The following FNBP4 variants were observed in gnomAD, a reference collection of about 807,000 sequenced individuals.
FNBP4 encodes the protein formin-binding protein 4.
FNBP4 carries 34 observed loss-of-function variants against 119.3 expected under a neutral mutation model. The ratio of observed to expected loss-of-function variants is 0.28; its 90% CI spans 0.22 to 0.38. The LOEUF is 0.38. Among genes scored for constraint, FNBP4 ranks in the 10% least tolerant of loss-of-function variants. The pLI, the probability that FNBP4 is intolerant of heterozygous loss-of-function variation, is 1.00. For synonymous variants in FNBP4, 462 were observed against 430.6 expected (o/e 1.07, Z -0.90); for missense variants, 1,112 against 1,228.9 (o/e 0.90, Z 1.42).
chr11:47,731,817 A>T, intron 11 of FNBP4: 1 of 1,192,120 alleles, frequency 8.4e-7, no homozygotes, highest in Non-Finnish European at 1.0e-6. Context: ...CTTAGAAAAC[A>T]CTTTTCTCTT....
At chr11:47,756,887 T>C (rs1347397624) in intron 2 of FNBP4, among the ~76,000 whole-genome samples, 2 of 152,210 alleles carry the variant, frequency 1.3e-5, no homozygotes, top group Non-Finnish European at 2.9e-5. Flanking sequence ...TCCTTTTTTA[T>C]GGCTGCATAG....
intron 12 of FNBP4, chr11:47,729,862 G>A (rs1413795700): frequency 7.1e-6 from 7 of 985,216 alleles, no homozygotes; most frequent in Non-Finnish European, 8.4e-6. Flanking sequence ...ATTTTACTTC[G>A]ATCAAGTTTA....
chr11:47,742,371 C>G (rs928878871), intron 8 of FNBP4, among the ~76,000 whole-genome samples: 2 of 145,738 alleles, frequency 1.4e-5, no homozygotes, highest in African/African-American at 5.1e-5. Context: ...CCCAGCTACT[C>G]AGGAGGCTGA....
Position 47,716,543 on chromosome 11 carries a change from G to C in FNBP4, c.*879C>G, listed in dbSNP as rs2135051084. 6.5e-6 allele frequency: 1 copy of C among 152,722 alleles called. No homozygotes were observed. Among genetic ancestry groups the C allele is most frequent in the South Asian group, 2.1e-4 (1 of 4,832 alleles). 9.5% of individuals were successfully genotyped at this position (152,722 alleles called of 1,614,324 possible). On this transcript the variant is annotated 3_prime_UTR_variant, in exon 17 of 17. Coordinates refer to ENST00000263773, the MANE Select transcript of FNBP4 (RefSeq NM_015308.5). ...CAGGATTATAAAAAAAGCTTTATTAGTGCATATATACAAATTTACAAGGTC... is the reference window on the plus strand; with the variant it reads ...CAGGATTATAAAAAAAGCTTTATTACTGCATATATACAAATTTACAAGGTC...
At chr11:47,749,789 C>A (rs1157472812) in intron 6 of FNBP4, among the ~76,000 whole-genome samples, 3 of 152,068 alleles carry the variant, frequency 2.0e-5, no homozygotes, top group African/African-American at 7.2e-5. Flanking sequence ...TGGAGCATCT[C>A]AGATTTCACA....
At chr11:47,722,585 T>C (rs117494654) in intron 15 of FNBP4, among the ~76,000 whole-genome samples, 2,163 of 151,810 alleles carry the variant, frequency 0.014, 30 homozygotes, top group South Asian at 0.057. Flanking sequence ...AAGCTGGACA[T>C]TTCAATTTCT....
At chr11:47,766,127 G>A (rs886984155) in intron 1 of FNBP4, among the ~76,000 whole-genome samples, 17 of 151,890 alleles carry the variant, frequency 1.1e-4, no homozygotes, top group African/African-American at 3.9e-4. Flanking sequence ...AGACCAGCCC[G>A]GGAAACATGA....
chr11:47,762,626 G>A (rs2097638007), intron 2 of FNBP4, among the ~76,000 whole-genome samples: 1 of 151,518 alleles, frequency 6.6e-6, no homozygotes, highest in Non-Finnish European at 1.5e-5. Flanking sequence ...AGAGGTGGGG[G>A]TCTCGGCCAA....
At chr11:47,747,929 C>T (rs1306126158) in intron 6 of FNBP4, among the ~76,000 whole-genome samples, 1 of 150,250 alleles carries the variant, frequency 6.7e-6, no homozygotes, top group Admixed American at 6.7e-5. Flanking sequence ...GCTCGGATGA[C>T]AGTGTGAGAG....
At chr11:47,765,509 A>T in intron 1 of FNBP4, 147 bp from the exon 2 acceptor site, 1 of 417,130 alleles carries the variant, frequency 2.4e-6, no homozygotes, top group Non-Finnish European at 4.1e-6. Flanking sequence ...TCAATTTTTT[A>T]AAAAGTGCAT....
chr11:47,755,450 AAAAT>A (rs1346367347), intron 2 of FNBP4, among the ~76,000 whole-genome samples: 1 of 151,948 alleles, frequency 6.6e-6, no homozygotes. Context: ...AATCCGTCTC[AAAAT>A]AAATAAATAA....
chr11:47,735,431 C>G (rs1241834269), intron 9 of FNBP4, among the ~76,000 whole-genome samples: 4 of 152,100 alleles, frequency 2.6e-5, no homozygotes, highest in African/African-American at 4.8e-5. Flanking sequence ...AACAGACCAC[C>G]CTTAAATAGC....
chr11:47,724,835 T>G (rs1037808107), intron 12 of FNBP4, 57 bp from the exon 13 acceptor site: 5 of 1,512,764 alleles, frequency 3.3e-6, no homozygotes, highest in Non-Finnish European at 4.4e-6. Context: ...CTGGCTTATA[T>G]TCATAGAAAT....
chr11:47,753,538 G>C (rs1416603908), intron 3 of FNBP4, among the ~76,000 whole-genome samples: 2 of 152,020 alleles, frequency 1.3e-5, no homozygotes, highest in Non-Finnish European at 2.9e-5. Flanking sequence ...TTGAATCTGG[G>C]AGGCGGGGAT....
chr11:47,742,877 T>A (rs2097584223), intron 8 of FNBP4, among the ~76,000 whole-genome samples: 1 of 151,424 alleles, frequency 6.6e-6, no homozygotes. Context: ...GCAACAAGAG[T>A]GAAACTCCGT....
At chr11:47,743,825 T>A in intron 8 of FNBP4, 128 bp downstream of exon 8, 1 of 821,058 alleles carries the variant, frequency 1.2e-6, no homozygotes, top group South Asian at 1.8e-5. Flanking sequence ...GAAGCTTCCT[T>A]CCCAGCACTT....
chr11:47,740,366 C>A, intron 8 of FNBP4, among the ~76,000 whole-genome samples: 1 of 149,540 alleles, frequency 6.7e-6, no homozygotes, highest in East Asian at 2.0e-4. Context: ...GAGCCACGAT[C>A]GTGACACTGC....
chr11:47,735,049 G>A (rs965573727), intron 9 of FNBP4, among the ~76,000 whole-genome samples: 1 of 142,408 alleles, frequency 7.0e-6, no homozygotes, highest in Non-Finnish European at 1.5e-5. Flanking sequence ...CCTGAAATTT[G>A]TTAAGAGTAT....
intron 4 of FNBP4, among the ~76,000 whole-genome samples, 179 bp from the exon 5 acceptor site, chr11:47,751,469 G>A (rs935983116): frequency 4.0e-5 from 6 of 151,812 alleles, no homozygotes; most frequent in Non-Finnish European, 7.4e-5. Flanking sequence ...CCTGGCCTCT[G>A]CCCACTAGAT....
Sources: allele counts gnomAD v4.1 joint callset (sites outside exome capture counted in the v4.1 genomes callset), GRCh38; gene constraint gnomAD v4.1.1; transcripts MANE v1.5; gene names NCBI Gene and HGNC (gene_info 2026-07-23, HGNC 2026-07-21).